Variants in ZNF385B observed in about 807,000 individuals in gnomAD.
ZNF385B encodes zinc finger protein 533.
ZNF385B carries 23 observed loss-of-function variants against 39.2 expected under a neutral mutation model. The ratio of observed to expected loss-of-function variants is 0.59; its 90% CI spans 0.42 to 0.83. ZNF385B has a LOEUF of 0.83. ZNF385B is among the 40% of genes least tolerant of loss of function. The probability of loss-of-function intolerance (pLI) is 0.00; values close to 1 mark genes in which losing one functional copy is unlikely to be tolerated. For synonymous variants in ZNF385B, 205 were observed against 222.6 expected (o/e 0.92, Z 0.70); for missense variants, 552 against 598.9 (o/e 0.92, Z 0.82).
intron 3 of ZNF385B, among the ~76,000 whole-genome samples, chr2:179,669,412 T>G (rs994868515): frequency 6.6e-6 from 1 of 152,206 alleles, no homozygotes; most frequent in African/African-American, 2.4e-5. Flanking sequence ...TCAGACTTAA[T>G]GGGCTTAGGT....
intron 5 of ZNF385B, among the ~76,000 whole-genome samples, chr2:179,518,151 T>A (rs1040626887): frequency 6.6e-6 from 1 of 152,226 alleles, no homozygotes; most frequent in Non-Finnish European, 1.5e-5. Flanking sequence ...TAAAATGGTA[T>A]AGTTGAGACT....
rs988058354 is a variant in ZNF385B at position 179,676,158 on chromosome 2, T to G, written c.298+93345A>C. Among the ~76,000 whole-genome samples the G allele has an allele frequency of 7.5e-5, 11 of 147,554 alleles. No homozygotes were observed. The South Asian group carries it at 1.3e-3, about 17-fold the overall frequency. On this transcript the variant is annotated intron_variant, in intron 3 of 9. Transcript: ENST00000410066. ...GGCTGGAGTGCAGTGGCACGATCTC[T>G]GCTCACTGCAAGCTCTACCTCCCGG...
intron 6 of ZNF385B, among the ~76,000 whole-genome samples, chr2:179,450,038 T>C (rs1210347967): frequency 6.6e-6 from 1 of 152,056 alleles, no homozygotes; most frequent in Non-Finnish European, 1.5e-5. Flanking sequence ...CTGGGAAAAC[T>C]GGCTAGCCAT....
chr2:179,557,551 AT>A lies in ZNF385B; in HGVS notation c.299-12583del, dbSNP rs1351610588. Among the ~76,000 whole-genome samples, 49 of 116,698 alleles carry A rather than the reference AT, an allele frequency of 4.2e-4. 1 individual carries two copies. The highest frequency in any genetic ancestry group is 1.5e-3 in the African/African-American group (49 of 32,504). The allele number at this position is 116,698 out of a possible 152,430, so 76.6% of individuals were successfully genotyped here. On this transcript the variant is annotated intron_variant, in intron 3 of 9. Coordinates refer to ENST00000410066, the MANE Select transcript of ZNF385B (RefSeq NM_152520.6). ...TATGTTATATACATGTATATAACAT[AT>A]ATACATGTTATATATGTATGTTATA...
chr2:179,847,776 A>AC (rs1708873510), intron 1 of ZNF385B, among the ~76,000 whole-genome samples: 1 of 152,154 alleles, frequency 6.6e-6, no homozygotes, highest in Non-Finnish European at 1.5e-5. Flanking sequence ...GTAGCAGATT[A>AC]CCCCTTCTCT....
At chr2:179,714,942 C>CAAAAGAAAAAAAAAAAAAAAA (rs1700225444) in intron 3 of ZNF385B, among the ~76,000 whole-genome samples, 1 of 79,230 alleles carries the variant, frequency 1.3e-5, no homozygotes, top group South Asian at 6.5e-4. Flanking sequence ...GATTCTATCT[C>CAAAAGAAAAAAAAAAAAAAAA]AAAAAAAAAA....
chr2:179,534,234 A>G (rs2059426265), intron 4 of ZNF385B, among the ~76,000 whole-genome samples: 1 of 152,204 alleles, frequency 6.6e-6, no homozygotes, highest in African/African-American at 2.4e-5. Flanking sequence ...CTTAATTAGG[A>G]TTGCTGTAAT....
intron 3 of ZNF385B, among the ~76,000 whole-genome samples, chr2:179,587,937 A>T (rs1263336285): frequency 6.6e-6 from 1 of 152,192 alleles, no homozygotes; most frequent in Admixed American, 6.5e-5. Flanking sequence ...CTCTCAAAAG[A>T]TAAAATGGTC....
chr2:179,461,115 G>C (rs2051283036), intron 6 of ZNF385B, among the ~76,000 whole-genome samples: 1 of 152,182 alleles, frequency 6.6e-6, no homozygotes, highest in Non-Finnish European at 1.5e-5. Flanking sequence ...GGACAAGAAA[G>C]TCAGTGAGAC....
chr2:179,798,216 A>C (rs1705800356), intron 1 of ZNF385B, among the ~76,000 whole-genome samples: 1 of 151,960 alleles, frequency 6.6e-6, no homozygotes, highest in Non-Finnish European at 1.5e-5. Context: ...GACTCCTGAG[A>C]CACAAATCTA....
At chr2:179,689,464 C>CGTG (rs138244125) in intron 3 of ZNF385B, among the ~76,000 whole-genome samples, 120 of 152,204 alleles carry the variant, frequency 7.9e-4, no homozygotes, top group African/African-American at 2.8e-3. Context: ...TAATGGCCCT[C>CGTG]GTGCAGAGCA....
intron 3 of ZNF385B, among the ~76,000 whole-genome samples, chr2:179,762,842 T>C (rs183705450): frequency 7.2e-5 from 11 of 152,322 alleles, no homozygotes; most frequent in Non-Finnish European, 1.2e-4. Context: ...TTCAAGTGCT[T>C]TGTAATGATA....
At chr2:179,470,840 A>C (rs912320446) in intron 6 of ZNF385B, among the ~76,000 whole-genome samples, 4 of 148,120 alleles carry the variant, frequency 2.7e-5, no homozygotes, top group African/African-American at 1.0e-4. Flanking sequence ...CAAGCTGGTC[A>C]GTTACAAACT....
intron 3 of ZNF385B, among the ~76,000 whole-genome samples, chr2:179,693,470 G>A (rs558675274): frequency 6.6e-6 from 1 of 152,162 alleles, no homozygotes; most frequent in South Asian, 2.1e-4. Flanking sequence ...CAAATAAATA[G>A]ACCCAATATA....
intron 5 of ZNF385B, among the ~76,000 whole-genome samples, chr2:179,494,290 A>G (rs1406489094): frequency 1.3e-5 from 2 of 152,132 alleles, no homozygotes; most frequent in Non-Finnish European, 2.9e-5. Context: ...GGGTGTTTTA[A>G]GTCAGAAGAG....
chr2:179,655,636 C>T (rs1437804124), intron 3 of ZNF385B, among the ~76,000 whole-genome samples: 1 of 151,840 alleles, frequency 6.6e-6, no homozygotes, highest in South Asian at 2.1e-4. Flanking sequence ...TGTGGACCCT[C>T]CTTTTAAAGA....
At chr2:179,628,771 G>A (rs1436912301) in intron 3 of ZNF385B, among the ~76,000 whole-genome samples, 2 of 152,082 alleles carry the variant, frequency 1.3e-5, no homozygotes, top group African/African-American at 4.8e-5. Context: ...CCATGTATTG[G>A]CTGGAATTCT....
At chr2:179,773,785 C>G (rs1704146764) in intron 1 of ZNF385B, among the ~76,000 whole-genome samples, 1 of 152,166 alleles carries the variant, frequency 6.6e-6, no homozygotes, top group Non-Finnish European at 1.5e-5. Context: ...TTACAATAAA[C>G]TACAATAAAT....
At chr2:179,694,392 T>C (rs1300800700) in intron 3 of ZNF385B, among the ~76,000 whole-genome samples, 1 of 151,412 alleles carries the variant, frequency 6.6e-6, no homozygotes, top group African/African-American at 2.4e-5. Flanking sequence ...TCACTAAAGC[T>C]AGCTGTGTAA....
Sources: allele counts gnomAD v4.1 joint callset (sites outside exome capture counted in the v4.1 genomes callset), GRCh38; gene constraint gnomAD v4.1.1; transcripts MANE v1.5; gene names NCBI Gene and HGNC (gene_info 2026-07-23, HGNC 2026-07-21).